Variants in KIF26A observed in about 807,000 individuals in gnomAD.
The protein encoded by KIF26A is kinesin-like protein KIF26A.
Under a neutral mutation model 126.0 loss-of-function variants are expected in KIF26A, and 74 were observed. The ratio of observed to expected loss-of-function variants is 0.59; its 90% CI spans 0.49 to 0.71. KIF26A has a LOEUF of 0.71. KIF26A is among the 30% of genes least tolerant of loss of function. The pLI is 0.00. For synonymous variants in KIF26A, 1,445 were observed against 1,232.7 expected (o/e 1.17, Z -3.61); for missense variants, 2,984 against 2,763.3 (o/e 1.08, Z -1.79).
chr14:104,142,235 CCCCAGGGGATTGTCTTTCCTGAT>C (rs1200104309), intron 2 of KIF26A, among the ~76,000 whole-genome samples: 1 of 152,106 alleles, frequency 6.6e-6, no homozygotes, highest in African/African-American at 2.4e-5. Context: ...CCTGTTGGAG[CCCCAGGGGATTGTCTTTCCTGAT>C]CTGAGAAGGG....
intron 5 of KIF26A, among the ~76,000 whole-genome samples, chr14:104,167,960 G>A (rs2037922676): frequency 6.6e-6 from 1 of 152,186 alleles, no homozygotes; most frequent in Non-Finnish European, 1.5e-5. Flanking sequence ...CAGGGGACAA[G>A]GTCTGGAGGG....
chr14:104,152,454 C>T lies in KIF26A; in HGVS notation c.728C>T (p.Ala243Val), dbSNP rs372160029. ...VSRVNSFLPP[A>V]CLAEAAVAAV... ...CGGGTCAACAGCTTCCTCCCGCCGGCGTGCCTGGTGAGTGTCTTGCTCAGC... is the reference window on the plus strand; with the variant it reads ...CGGGTCAACAGCTTCCTCCCGCCGGTGTGCCTGGTGAGTGTCTTGCTCAGC... Residue 243 changes from alanine to valine, a missense_variant, in exon 3 of 15, where the codon GCG becomes GTG. Physicochemically the swap from Ala to Val is moderately conservative, Grantham distance 64. Transcript: ENST00000423312. The surrounding 1 kb of genome is among the most constrained non-coding windows in gnomAD (Gnocchi z 5.9). 1.4e-4 allele frequency: 215 copies of T among 1,570,642 alleles called. 1 individual carries two copies. The highest frequency in any genetic ancestry group is 6.8e-4 in the South Asian group (58 of 85,000).
At chr14:104,167,703 G>A (rs1013854399) in intron 5 of KIF26A, among the ~76,000 whole-genome samples, 2 of 152,188 alleles carry the variant, frequency 1.3e-5, no homozygotes, top group Non-Finnish European at 2.9e-5. Context: ...TGCCTGGTTC[G>A]TGGGCCCATT....
chr14:104,165,417 CTG>C (rs1272970645), intron 4 of KIF26A, among the ~76,000 whole-genome samples: 1 of 146,518 alleles, frequency 6.8e-6, no homozygotes, highest in Admixed American at 6.7e-5. Flanking sequence ...CTGTGTGTCT[CTG>C]TATGCGTGTG....
intron 14 of KIF26A, 66 bp from the exon 15 acceptor site, chr14:104,179,543 G>T: frequency 6.9e-7 from 1 of 1,446,644 alleles, no homozygotes; most frequent in Non-Finnish European, 9.1e-7. Context: ...GCCTCTGGGG[G>T]GCCAGGTGGC....
chr14:104,180,109 C>A lies in KIF26A; in HGVS notation c.*319C>A. 3.4e-6 allele frequency: 1 copy of A among 290,660 alleles called. No individual in the cohort carries two copies. The highest frequency in any genetic ancestry group is 1.3e-4 in the South Asian group (1 of 7,600). 18.0% of individuals were successfully genotyped at this position (290,660 alleles called of 1,614,324 possible). A position where few individuals can be genotyped will look rare whatever the true frequency, so the allele number is the denominator to read the frequency against. ...AGCAGAAGTTGTGTTCAGCCCGGCC[C>A]CGCTGCGCCTGTCCGGGCCGGGGCT... On this transcript the variant is annotated 3_prime_UTR_variant, in exon 15 of 15. Transcript: ENST00000423312.
chr14:104,138,937 G>A, intron 1 of KIF26A, 106 bp from the exon 2 acceptor site: 1 of 1,291,336 alleles, frequency 7.7e-7, no homozygotes, highest in Non-Finnish European at 9.8e-7. Flanking sequence ...TCGTGCCCAG[G>A]GCTCCTAACT....
rs746573318 is a variant in KIF26A, at chr14:104,177,437, G to C, written c.4649G>C (p.Arg1550Pro). ...AGPSVGAKAG[R>P]GTVMGTKQAL... ...CCCAGTGTCGGGGCGAAGGCTGGCCGGGGTACCGTCATGGGCACAAAGCAG... is the reference window on the plus strand; with the variant it reads ...CCCAGTGTCGGGGCGAAGGCTGGCCCGGGTACCGTCATGGGCACAAAGCAG... The change falls in exon 12 of 15, where the codon CGG becomes CCG. Residue 1550 changes from arginine to proline, a missense_variant. Arg to Pro is a moderately radical substitution (Grantham distance 103). Transcript: ENST00000423312. 1 of 1,519,224 alleles carries C rather than the reference G, an allele frequency of 6.6e-7. No homozygotes were observed. The highest frequency in any genetic ancestry group is 8.8e-7 in the Non-Finnish European group (1 of 1,137,224). 94.1% of individuals were successfully genotyped at this position (1,519,224 alleles called of 1,614,324 possible). A position where few individuals can be genotyped will look rare whatever the true frequency, so the allele number is the denominator to read the frequency against.
chr14:104,174,484 G>A (rs1201604695), intron 11 of KIF26A, among the ~76,000 whole-genome samples, 174 bp downstream of exon 11: 2 of 152,138 alleles, frequency 1.3e-5, no homozygotes, highest in African/African-American at 4.8e-5. Flanking sequence ...CCTGGGGGGT[G>A]GGGAGCCCAG....
At chr14:104,170,256 G>A (rs1391821611) in intron 5 of KIF26A, among the ~76,000 whole-genome samples, 4 of 152,256 alleles carry the variant, frequency 2.6e-5, no homozygotes, top group Non-Finnish European at 5.9e-5. Flanking sequence ...CGTCTGCTTT[G>A]TGGTGGCGTC....
In KIF26A at chr14:104,179,958, C is replaced by CT. The variant is rs2038084214; in HGVS notation, c.*168_*169insT. 4.2e-5 allele frequency: 30 copies of CT among 718,290 alleles called. 2 individuals are homozygous for CT. In the South Asian group the frequency reaches 6.1e-4, roughly 15 times the overall value. 44.5% of individuals were successfully genotyped at this position (718,290 alleles called of 1,614,324 possible). On this transcript the variant is annotated 3_prime_UTR_variant, in exon 15 of 15. Transcript: ENST00000423312. ...TGTGGGGGAGGGAGGGCCGGCCACG[C>CT]GGTGGACAGAGCGAGGGTGCCAGGG...
At position 104,157,744 on chromosome 14, in the gene KIF26A, C is replaced by T; in HGVS notation, c.736-11C>T. On this transcript the variant is annotated splice_polypyrimidine_tract_variant and intron_variant, in intron 3 of 14. Transcript: ENST00000423312. The stretch of plus-strand genomic sequence containing the variant: ...TTGCGTTCCTTATACGCACTCTCTC[C>T]TTCCCTCCAGGCCGAGGCAGCGGTG... The T allele has an allele frequency of 1.9e-6, 3 of 1,609,446 alleles. No individual in the cohort carries two copies. The highest frequency in any genetic ancestry group is 2.2e-5 in the South Asian group (2 of 90,706).
chr14:104,169,828 G>A (rs1473332397), intron 5 of KIF26A, among the ~76,000 whole-genome samples: 5 of 152,162 alleles, frequency 3.3e-5, no homozygotes, highest in South Asian at 2.1e-4. Flanking sequence ...CAGCTATTCC[G>A]TGGGGCTTTG....
intron 5 of KIF26A, among the ~76,000 whole-genome samples, chr14:104,168,144 C>A (rs1451025703): frequency 1.3e-5 from 2 of 152,166 alleles, no homozygotes; most frequent in Non-Finnish European, 2.9e-5. Context: ...CCTGGAGGGG[C>A]CTCCTGGGCA....
At chr14:104,165,974 G>A (rs2037894864) in intron 4 of KIF26A, among the ~76,000 whole-genome samples, 1 of 152,196 alleles carries the variant, frequency 6.6e-6, no homozygotes, top group African/African-American at 2.4e-5. Context: ...TCCCCTGGAG[G>A]TCCTGTGGTC....
rs1039798710 is a variant in KIF26A, at chr14:104,175,685, A to G, written c.2897A>G (p.Glu966Gly). ...TTGCTGGAAGCCTGCAGAGCCCCAG[A>G]AGAGCCTGGGGGAGGGGGCACTGAT... The part of the protein sequence containing the change: ...PQLLEACRAP[E>G]EPGGGGTDGV... The change falls in exon 12 of 15, where the codon GAA (glutamate) becomes GGA (glycine). Residue 966 changes from glutamate (E) to glycine (G), a missense_variant. Coordinates refer to ENST00000423312, the MANE Select transcript of KIF26A (RefSeq NM_015656.2). 6.2e-7 allele frequency: 1 copy of G among 1,604,672 alleles called. No homozygotes were observed. The highest frequency in any genetic ancestry group is 1.7e-5 in the Admixed American group (1 of 58,982).
chr14:104,142,195 C>A (rs560811198), intron 2 of KIF26A, among the ~76,000 whole-genome samples: 20 of 152,214 alleles, frequency 1.3e-4, no homozygotes, highest in Admixed American at 6.5e-4. Flanking sequence ...CGTCTGGGGC[C>A]GTAGGGGAGG....
At chr14:104,168,039 C>T (rs1449875540) in intron 5 of KIF26A, among the ~76,000 whole-genome samples, 1 of 152,190 alleles carries the variant, frequency 6.6e-6, no homozygotes, top group Non-Finnish European at 1.5e-5. Context: ...GTGCCACAGG[C>T]CTCTCCCACT....
intron 5 of KIF26A, among the ~76,000 whole-genome samples, chr14:104,167,422 C>T (rs1412188590): frequency 1.3e-5 from 2 of 152,098 alleles, no homozygotes; most frequent in East Asian, 3.9e-4. Context: ...CAGGAGGGGA[C>T]TCTCTGCTCT....
Sources: allele counts gnomAD v4.1 joint callset (sites outside exome capture counted in the v4.1 genomes callset), GRCh38; gene constraint gnomAD v4.1.1; non-coding constraint Gnocchi (gnomAD v3.1); transcripts MANE v1.5; gene names NCBI Gene and HGNC (gene_info 2026-07-23, HGNC 2026-07-21).